The following EHBP1 variants were observed in gnomAD, a reference collection of about 807,000 sequenced individuals.
EHBP1 encodes the protein EH domain-binding protein 1.
Under a neutral mutation model 144.0 loss-of-function variants are expected in EHBP1, and 55 were observed. The observed-to-expected ratio is 0.38, with a 90% CI of 0.31 to 0.48. The LOEUF (loss-of-function observed/expected upper bound fraction) is 0.48. Among genes scored for constraint, EHBP1 ranks in the 20% least tolerant of loss-of-function variants. EHBP1 has a pLI of 0.98. For missense variants in EHBP1, 1,200 were observed against 1,364.2 expected (o/e 0.88, Z 1.90); for synonymous variants, 469 against 472.7 (o/e 0.99, Z 0.10).
At chr2:62,766,901 T>C (rs1242475802) in intron 4 of EHBP1, among the ~76,000 whole-genome samples, 2 of 148,618 alleles carry the variant, frequency 1.3e-5, no homozygotes, top group East Asian at 4.0e-4. Context: ...CAATCCCTTA[T>C]ATACTAAGTC....
At chr2:63,034,275 A>C (rs186094143) in intron 19 of EHBP1, among the ~76,000 whole-genome samples, 15 of 152,194 alleles carry the variant, frequency 9.9e-5, no homozygotes, top group Admixed American at 9.8e-4. Context: ...ACATTTTAGT[A>C]ATTGTATACT....
intron 19 of EHBP1, 56 bp downstream of exon 19, chr2:62,996,822 C>G: frequency 6.3e-7 from 1 of 1,583,526 alleles, no homozygotes; most frequent in Non-Finnish European, 8.5e-7. Context: ...TTCACAAACT[C>G]TTATAGAGTT....
chr2:63,019,571 G>A (rs1235588564), intron 19 of EHBP1, among the ~76,000 whole-genome samples: 1 of 151,686 alleles, frequency 6.6e-6, no homozygotes, highest in Non-Finnish European at 1.5e-5. Context: ...GCCGGGTGTG[G>A]TGGCACACAC....
intron 21 of EHBP1, chr2:63,043,917 G>GTTTTTTTTTTTTTT (rs1559110359): frequency 5.5e-5 from 2 of 36,166 alleles, no homozygotes; most frequent in African/African-American, 2.9e-4. Flanking sequence ...AGTGGCCATG[G>GTTTTTTTTTTTTTT]TTCTTTTTTT....
chr2:62,782,900 C>T (rs2042541223), intron 5 of EHBP1, among the ~76,000 whole-genome samples: 1 of 150,648 alleles, frequency 6.6e-6, no homozygotes. Flanking sequence ...CCAGCATTAA[C>T]CAAAAGTCTA....
At chr2:62,922,603 A>G (rs1303024279) in intron 10 of EHBP1, among the ~76,000 whole-genome samples, 4 of 152,248 alleles carry the variant, frequency 2.6e-5, no homozygotes, top group African/African-American at 7.2e-5. Context: ...TGACATCAGC[A>G]AGATGGCAGA....
At chr2:62,727,024 G>A (rs192462899) in intron 2 of EHBP1, among the ~76,000 whole-genome samples, 11 of 152,158 alleles carry the variant, frequency 7.2e-5, no homozygotes, top group African/African-American at 1.7e-4. Flanking sequence ...CACCACGCCC[G>A]ACTAATTTTT....
chr2:62,800,380 T>A (rs978743228), intron 5 of EHBP1, among the ~76,000 whole-genome samples: 4 of 152,230 alleles, frequency 2.6e-5, no homozygotes, highest in Admixed American at 6.5e-5. Context: ...AGAATGTTAA[T>A]ATCAGAAAGG....
At chr2:63,035,143 A>G (rs1321508510) in intron 19 of EHBP1, among the ~76,000 whole-genome samples, 2 of 152,070 alleles carry the variant, frequency 1.3e-5, no homozygotes, top group Non-Finnish European at 2.9e-5. Flanking sequence ...TAAATTTAAA[A>G]AATTTGAGAG....
intron 7 of EHBP1, among the ~76,000 whole-genome samples, chr2:62,854,982 C>A (rs2048933684): frequency 6.6e-6 from 1 of 152,194 alleles, no homozygotes; most frequent in Non-Finnish European, 1.5e-5. Flanking sequence ...GGGAGCCCTG[C>A]CCTCCTGGGT....
At chr2:62,674,884 G>T (rs1038572) in intron 1 of EHBP1, among the ~76,000 whole-genome samples, 105,383 of 151,844 alleles carry the variant, frequency 0.69, 36,909 homozygotes, top group African/African-American at 0.79. Flanking sequence ...TCCTGTCTCG[G>T]TCTCCCAAAG....
At chr2:62,937,456 T>A (rs1018675278) in intron 10 of EHBP1, among the ~76,000 whole-genome samples, 1 of 152,210 alleles carries the variant, frequency 6.6e-6, no homozygotes, top group Non-Finnish European at 1.5e-5. Context: ...TATGAATTAA[T>A]GAAAAATTAA....
chr2:63,008,491 T>C (rs1306199755), intron 19 of EHBP1, among the ~76,000 whole-genome samples: 1 of 151,624 alleles, frequency 6.6e-6, no homozygotes, highest in African/African-American at 2.4e-5. Context: ...AGTGTATCTG[T>C]TTTTTATTTT....
chr2:62,779,453 G>A (rs140736557), intron 5 of EHBP1, among the ~76,000 whole-genome samples: 17 of 152,196 alleles, frequency 1.1e-4, no homozygotes, highest in African/African-American at 3.1e-4. Context: ...CTGCAGTTTC[G>A]TCAAGGAAGA....
chr2:62,839,184 A>C (rs1420205386), intron 7 of EHBP1, among the ~76,000 whole-genome samples: 10 of 152,050 alleles, frequency 6.6e-5, no homozygotes, highest in African/African-American at 2.2e-4. Context: ...AGGCTGGTTC[A>C]ATATACGCAA....
At chr2:62,691,883 C>T (rs545014306) in intron 1 of EHBP1, among the ~76,000 whole-genome samples, 7 of 152,122 alleles carry the variant, frequency 4.6e-5, no homozygotes, top group African/African-American at 1.7e-4. Flanking sequence ...CTTTCTATAT[C>T]GTTTTATTTT....
At chr2:62,956,442 C>T (rs1047686636) in intron 14 of EHBP1, among the ~76,000 whole-genome samples, 1 of 152,162 alleles carries the variant, frequency 6.6e-6, no homozygotes, top group Non-Finnish European at 1.5e-5. Context: ...CACCTTGTTG[C>T]ATGTGTTTCA....
intron 5 of EHBP1, among the ~76,000 whole-genome samples, chr2:62,825,587 C>A (rs2046289026): frequency 6.8e-6 from 1 of 147,056 alleles, no homozygotes; most frequent in Admixed American, 6.8e-5. Flanking sequence ...TTACAGGATA[C>A]ATAGAATTCA....
chr2:62,715,356 C>T (rs1379216812), intron 2 of EHBP1, among the ~76,000 whole-genome samples: 2 of 152,032 alleles, frequency 1.3e-5, no homozygotes, highest in African/African-American at 4.8e-5. Context: ...CCTCGTGATC[C>T]GCCTGCTTCG....
Sources: gnomAD v4.1 joint callset for allele counts (sites outside exome capture counted in the v4.1 genomes callset) on GRCh38, gnomAD v4.1.1 for gene constraint, MANE v1.5 for transcripts, NCBI Gene and HGNC (gene_info 2026-07-23, HGNC 2026-07-21) for gene names.